Variants in AOPEP observed in about 807,000 individuals in gnomAD.
AOPEP encodes aminopeptidase O.
In AOPEP, 77 loss-of-function variants were observed where a neutral mutation model predicts 98.1. The observed-to-expected ratio is 0.78, with a 90% CI of 0.65 to 0.95. The LOEUF (loss-of-function observed/expected upper bound fraction) is 0.95, where lower values mean the gene tolerates loss of function less well. Ranked by LOEUF, AOPEP falls within the 40% of genes least tolerant of loss-of-function variation. The pLI, the probability that AOPEP is intolerant of heterozygous loss-of-function variation, is 0.00. For synonymous variants in AOPEP, 346 were observed against 365.3 expected, an observed-to-expected ratio of 0.95 and a Z score of 0.60; for missense variants, 1,024 against 1,024.7, an observed-to-expected ratio of 1.00 and a Z score of 0.01.
At chr9:94,766,106 TG>T (rs1839543875) in intron 2 of AOPEP, among the ~76,000 whole-genome samples, 2 of 152,216 alleles carry the variant, frequency 1.3e-5, no homozygotes, top group African/African-American at 4.8e-5. Flanking sequence ...GGACTTAATA[TG>T]TTTTTAATTC....
intron 11 of AOPEP, among the ~76,000 whole-genome samples, chr9:94,999,302 T>C (rs1188008202): frequency 6.6e-6 from 1 of 151,946 alleles, no homozygotes; most frequent in Non-Finnish European, 1.5e-5. Flanking sequence ...AAAAAAAGGA[T>C]GGGGCCAGGA....
the AOPEP span, chr9:95,111,709 T>C: frequency 6.3e-7 from 1 of 1,579,146 alleles, no homozygotes; most frequent in South Asian, 1.1e-5. Flanking sequence ...AAAGCAACTT[T>C]AACGTTTGCC....
Position 94,798,917 on chromosome 9 carries a change from A to T in AOPEP, c.1119-1840A>T, listed in dbSNP as rs184502257. On this transcript the variant is annotated intron_variant, in intron 4 of 16. Transcript: ENST00000375315. ...ACAGGCACCTTGACTCACTCTCTCC[A>T]CAAAGCAAGGTTATCAATCCAGGGA... Among the ~76,000 whole-genome samples the T allele has an allele frequency of 4.6e-5, 7 of 152,340 alleles. No individual in the cohort carries two copies. The East Asian group carries it at 1.3e-3, about 29-fold the overall frequency.
intron 5 of AOPEP, among the ~76,000 whole-genome samples, chr9:94,883,307 T>C (rs2047806461): frequency 6.6e-6 from 1 of 152,158 alleles, no homozygotes; most frequent in Non-Finnish European, 1.5e-5. Context: ...GATTTGCAAA[T>C]CGAACAGCCT....
rs72747047 is a variant in AOPEP, at chr9:94,769,091, A to G, written c.798-3911A>G. ...ATATAGTTCTCATTTGAATGTGTGCATGATGGGGGCCATCTTTAGTCTGGA... is the reference window on the plus strand; with the variant it reads ...ATATAGTTCTCATTTGAATGTGTGCGTGATGGGGGCCATCTTTAGTCTGGA... On this transcript the variant is annotated intron_variant, in intron 2 of 16. Transcript: ENST00000375315. Among the ~76,000 whole-genome samples the G allele has an allele frequency of 4.7e-3, 712 of 152,338 alleles. 9 individuals are homozygous for G. The highest frequency in any genetic ancestry group is 0.042 in the South Asian group (201 of 4,830).
At chr9:94,826,541 G>A (rs1216615715) in intron 5 of AOPEP, among the ~76,000 whole-genome samples, 1 of 152,228 alleles carries the variant, frequency 6.6e-6, no homozygotes, top group Admixed American at 6.5e-5. Context: ...CTTTAGGTGG[G>A]TCTGTTTTTG....
At chr9:94,971,984 CCGAGGGCAG>C (rs1331620481) in intron 10 of AOPEP, among the ~76,000 whole-genome samples, 66 of 130,958 alleles carry the variant, frequency 5.0e-4, no homozygotes, top group African/African-American at 2.6e-3. Flanking sequence ...AAGACACCTG[CCGAGGGCAG>C]TGTGGCCGAG....
intron 7 of AOPEP, among the ~76,000 whole-genome samples, chr9:94,930,000 C>T (rs1588944517): frequency 6.6e-6 from 1 of 152,162 alleles, no homozygotes; most frequent in Admixed American, 6.5e-5. Flanking sequence ...CCAGGTCACA[C>T]GAGTCTTTCC....
chr9:94,751,692 A>G (rs908212474), intron 1 of AOPEP, among the ~76,000 whole-genome samples: 2 of 151,340 alleles, frequency 1.3e-5, no homozygotes, highest in Non-Finnish European at 2.9e-5. Flanking sequence ...GGTAATCTAT[A>G]GCTCTGGTGC....
chr9:94,898,365 TC>T (rs2049868200), intron 5 of AOPEP, among the ~76,000 whole-genome samples: 1 of 151,616 alleles, frequency 6.6e-6, no homozygotes, highest in South Asian at 2.1e-4. Context: ...ATGTCTGTAA[TC>T]CCAGCACCTT....
chr9:95,062,884 G>C (rs1026838111), intron 14 of AOPEP, among the ~76,000 whole-genome samples: 1 of 152,200 alleles, frequency 6.6e-6, no homozygotes, highest in African/African-American at 2.4e-5. Context: ...CAATGCCCCC[G>C]TGTTCAGAAT....
intron 13 of AOPEP, among the ~76,000 whole-genome samples, chr9:95,050,593 G>A (rs2066256670): frequency 6.6e-6 from 1 of 152,072 alleles, no homozygotes; most frequent in African/African-American, 2.4e-5. Flanking sequence ...TATTTTTCCA[G>A]CAATCCTTCA....
At chr9:94,787,269 G>T (rs1037848225) in intron 3 of AOPEP, among the ~76,000 whole-genome samples, 5 of 152,196 alleles carry the variant, frequency 3.3e-5, no homozygotes, top group Admixed American at 2.6e-4. Context: ...ATCCTGCTGT[G>T]ACTTCCGGTG....
At chr9:94,748,935 A>G (rs1423284882) in intron 1 of AOPEP, among the ~76,000 whole-genome samples, 1 of 152,200 alleles carries the variant, frequency 6.6e-6, no homozygotes, top group African/African-American at 2.4e-5. Context: ...TCTCTACTGT[A>G]AACATAATAT....
In AOPEP at chr9:94,930,484, C is replaced by T. The variant is rs1347056410; in HGVS notation, c.1661+1953C>T. 6.6e-6 allele frequency among the ~76,000 whole-genome samples: 1 copy of T among 152,136 alleles called. No individual in the cohort carries two copies. Among genetic ancestry groups the T allele is most frequent in the East Asian group, 1.9e-4 (1 of 5,190 alleles). ...CAGGAGCTCACTGGAGAGACTGGAA[C>T]ATTCAGCCTATAAAACCCTTTAAAT... is the stretch of plus-strand genomic sequence containing the variant. On this transcript the variant is annotated intron_variant, in intron 7 of 16. Coordinates refer to ENST00000375315, the MANE Select transcript of AOPEP (RefSeq NM_001193329.3). The surrounding 1 kb of genome is among the most constrained non-coding windows in gnomAD (Gnocchi z 4.5).
chr9:95,134,832 A>G, the AOPEP span, among the ~76,000 whole-genome samples: 1 of 152,192 alleles, frequency 6.6e-6, no homozygotes, highest in Non-Finnish European at 1.5e-5. Context: ...GAAGGGAGCC[A>G]GGCGCCACCG....
intron 7 of AOPEP, among the ~76,000 whole-genome samples, chr9:94,950,520 G>A (rs2058027154): frequency 6.6e-6 from 1 of 152,126 alleles, no homozygotes; most frequent in African/African-American, 2.4e-5. Flanking sequence ...TGTGCATCTG[G>A]GGCTCAGATG....
At chr9:95,010,449 T>A (rs2132868757) in intron 13 of AOPEP, among the ~76,000 whole-genome samples, 1 of 152,150 alleles carries the variant, frequency 6.6e-6, no homozygotes, top group South Asian at 2.1e-4. Context: ...GAGCTGAGGG[T>A]CCCTTCACTT....
At chr9:94,868,207 T>A (rs1288291941) in intron 5 of AOPEP, among the ~76,000 whole-genome samples, 1 of 152,218 alleles carries the variant, frequency 6.6e-6, no homozygotes, top group Non-Finnish European at 1.5e-5. Flanking sequence ...CCTGTGTCAC[T>A]CATTCCCTAG....
Sources: allele counts gnomAD v4.1 joint callset (sites outside exome capture counted in the v4.1 genomes callset), GRCh38; gene constraint gnomAD v4.1.1; non-coding constraint Gnocchi (gnomAD v3.1); transcripts MANE v1.5; gene names NCBI Gene and HGNC (gene_info 2026-07-23, HGNC 2026-07-21).